Variants in SLC37A1 observed in about 807,000 individuals in gnomAD.
The protein encoded by SLC37A1 is solute carrier family 37 member 1, also known as glucose-6-phosphate exchanger SLC37A1.
In SLC37A1, 49 loss-of-function variants were observed where a neutral mutation model predicts 75.3. The ratio of observed to expected loss-of-function variants is 0.65; its 90% CI spans 0.52 to 0.83. SLC37A1 has a LOEUF of 0.83. SLC37A1 is among the 40% of genes least tolerant of loss of function. The pLI is 0.00. For missense variants in SLC37A1, 566 were observed against 695.0 expected, an observed-to-expected ratio of 0.81 and a Z score of 2.09; for synonymous variants, 268 against 292.1, an observed-to-expected ratio of 0.92 and a Z score of 0.84.
intron 5 of SLC37A1, among the ~76,000 whole-genome samples, chr21:42,536,000 T>C (rs1274703669): frequency 6.6e-6 from 1 of 152,246 alleles, no homozygotes; most frequent in Non-Finnish European, 1.5e-5. Context: ...CAGGATGTGC[T>C]GAACAGCTCT....
At chr21:42,507,663 G>A (rs548378705) in intron 2 of SLC37A1, among the ~76,000 whole-genome samples, 2 of 152,190 alleles carry the variant, frequency 1.3e-5, no homozygotes, top group Admixed American at 1.3e-4. Context: ...TCTTACGAAG[G>A]CCTCAGGAAG....
intron 3 of SLC37A1, among the ~76,000 whole-genome samples, chr21:42,529,447 G>A (rs1174912566): frequency 6.6e-6 from 1 of 152,068 alleles, no homozygotes; most frequent in Non-Finnish European, 1.5e-5. Flanking sequence ...CCAGCTACTT[G>A]GGAGACTGAC....
At chr21:42,553,234 A>G (rs1035928266) in intron 9 of SLC37A1, among the ~76,000 whole-genome samples, 6 of 152,208 alleles carry the variant, frequency 3.9e-5, no homozygotes, top group Admixed American at 3.9e-4. Flanking sequence ...AGTGCCAGAA[A>G]TCTAAATCAT....
intron 6 of SLC37A1, among the ~76,000 whole-genome samples, chr21:42,540,971 C>T (rs1418074019): frequency 1.3e-5 from 2 of 152,168 alleles, no homozygotes; most frequent in African/African-American, 4.8e-5. Flanking sequence ...CCAGCGGCTC[C>T]CAGGCGTCTT....
rs1441374916 is a variant in SLC37A1, at chr21:42,543,620, T to C, written c.730+18T>C. Reference sequence around the variant, plus strand: ...CATTGAACGTAAGTGCACGTGGCCTTGGAGACCACCCACCAAGGGAGGCCT... The same window carrying C: ...CATTGAACGTAAGTGCACGTGGCCTCGGAGACCACCCACCAAGGGAGGCCT... On this transcript the variant is annotated intron_variant, in intron 8 of 19. Coordinates refer to ENST00000352133, the MANE Select transcript of SLC37A1 (RefSeq NM_001320537.2). The C allele has an allele frequency of 6.4e-7, 1 of 1,571,732 alleles. No individual in the cohort carries two copies. Among genetic ancestry groups the C allele is most frequent in the Non-Finnish European group, 8.6e-7 (1 of 1,157,748 alleles).
intron 10 of SLC37A1, among the ~76,000 whole-genome samples, chr21:42,558,397 T>C (rs374281224): frequency 6.6e-6 from 1 of 152,382 alleles, no homozygotes; most frequent in South Asian, 2.1e-4. Flanking sequence ...AGCATTTCGA[T>C]AAAAATTACA....
chr21:42,575,392 A>G (rs761349557), intron 18 of SLC37A1: 3 of 985,440 alleles, frequency 3.0e-6, no homozygotes, highest in Non-Finnish European at 3.6e-6. Context: ...AGCGGCCCCA[A>G]CTTCTTTCAC....
At position 42,557,626 on chromosome 21, in the gene SLC37A1, C is replaced by T. The variant is rs771172152; in HGVS notation, c.850-1332C>T. Among the ~76,000 whole-genome samples, 22 of 152,254 alleles carry T rather than the reference C, an allele frequency of 1.4e-4. 1 individual carries two copies. The highest frequency in any genetic ancestry group is 3.1e-4 in the African/African-American group (13 of 41,472). On this transcript the variant is annotated intron_variant, in intron 10 of 19. Coordinates refer to ENST00000352133, the MANE Select transcript of SLC37A1 (RefSeq NM_001320537.2). Reference sequence around the variant, plus strand: ...AGCCGGGCTTCCTGGGGCACGTAGACGCTGGGCTGCCCCCAAGGCCACCCA... The same window carrying T: ...AGCCGGGCTTCCTGGGGCACGTAGATGCTGGGCTGCCCCCAAGGCCACCCA...
chr21:42,554,991 T>G (rs946884478), intron 10 of SLC37A1, among the ~76,000 whole-genome samples: 10 of 149,300 alleles, frequency 6.7e-5, no homozygotes, highest in African/African-American at 2.2e-4. Flanking sequence ...TGTTTTTTTT[T>G]TTTTTTTTTT....
intron 7 of SLC37A1, among the ~76,000 whole-genome samples, chr21:42,542,925 AATTT>A (rs1423451905): frequency 6.6e-6 from 1 of 152,244 alleles, no homozygotes; most frequent in Non-Finnish European, 1.5e-5. Flanking sequence ...ATACAGATAA[AATTT>A]ATTTATTTGT....
intron 3 of SLC37A1, among the ~76,000 whole-genome samples, chr21:42,527,516 C>T (rs191992039): frequency 3.9e-4 from 60 of 152,252 alleles, no homozygotes; most frequent in African/African-American, 1.3e-3. Flanking sequence ...AAATAACTGC[C>T]GCTTACAGAG....
At chr21:42,559,673 CA>C (rs549979715) in intron 11 of SLC37A1, among the ~76,000 whole-genome samples, 2,193 of 152,336 alleles carry the variant, frequency 0.014, 52 homozygotes, top group African/African-American at 0.049. Flanking sequence ...GTCAGGAGTT[CA>C]AAACCAGCCT....
chr21:42,568,752 A>G (rs1056205030), intron 17 of SLC37A1, among the ~76,000 whole-genome samples: 1 of 152,200 alleles, frequency 6.6e-6, no homozygotes, highest in Non-Finnish European at 1.5e-5. Context: ...CAAGAAAGGC[A>G]GAATCTTATT....
intron 19 of SLC37A1, 45 bp downstream of exon 19, chr21:42,579,845 C>A (rs539236818): frequency 6.3e-7 from 1 of 1,593,842 alleles, no homozygotes; most frequent in South Asian, 1.1e-5. Flanking sequence ...AAGCCGGCTC[C>A]AAAGTGCCTT....
chr21:42,570,003 G>A (rs1036950035), intron 17 of SLC37A1, among the ~76,000 whole-genome samples: 16 of 151,336 alleles, frequency 1.1e-4, no homozygotes, highest in African/African-American at 3.4e-4. Context: ...GAGAAGCGGC[G>A]GGCAGGGTGG....
chr21:42,575,540 G>A (rs1347653547), intron 18 of SLC37A1: 2 of 985,306 alleles, frequency 2.0e-6, no homozygotes, highest in Non-Finnish European at 2.4e-6. Flanking sequence ...GTTTTCCCCT[G>A]GGTAAGGAAG....
chr21:42,560,331 G>C (rs1404238544), intron 11 of SLC37A1: 1 of 152,790 alleles, frequency 6.5e-6, no homozygotes, highest in Non-Finnish European at 1.5e-5. Context: ...GTCCAGGGTG[G>C]GCTGTCCAGG....
chr21:42,503,606 C>T (rs1280223404), intron 2 of SLC37A1, among the ~76,000 whole-genome samples: 5 of 152,264 alleles, frequency 3.3e-5, no homozygotes, highest in Middle Eastern at 3.4e-3. Context: ...ATGTCATTCA[C>T]TCATGTTTCT....
chr21:42,499,726 C>T (rs530994107), exon 1 of SLC37A1: 27 of 152,382 alleles, frequency 1.8e-4, no homozygotes, highest in African/African-American at 6.3e-4. Flanking sequence ...CACGGTTCCT[C>T]TGTACTTCGT....
Sources: allele counts gnomAD v4.1 joint callset (sites outside exome capture counted in the v4.1 genomes callset), GRCh38; gene constraint gnomAD v4.1.1; transcripts MANE v1.5; gene names NCBI Gene and HGNC (gene_info 2026-07-23, HGNC 2026-07-21).